The following CDH4 variants were observed in gnomAD, a reference collection of about 807,000 sequenced individuals.
CDH4 encodes the protein cadherin 4.
Under a neutral mutation model 86.0 loss-of-function variants are expected in CDH4, and 33 were observed. The observed-to-expected ratio is 0.38, with a 90% CI of 0.29 to 0.51. CDH4 has a LOEUF of 0.51. CDH4 is among the 20% of genes least tolerant of loss of function. The pLI is 0.86. For missense variants in CDH4, 1,114 were observed against 1,307.4 expected (o/e 0.85, Z 2.28); for synonymous variants, 555 against 549.4 (o/e 1.01, Z -0.14).
chr20:61,882,629 A>G (rs1436268105), intron 7 of CDH4, among the ~76,000 whole-genome samples: 2 of 152,104 alleles, frequency 1.3e-5, no homozygotes. Context: ...CAGGCCCAGG[A>G]TGCTCCCTGA....
intron 8 of CDH4, among the ~76,000 whole-genome samples, chr20:61,895,298 T>A (rs2122872076): frequency 6.6e-6 from 1 of 152,296 alleles, no homozygotes; most frequent in East Asian, 1.9e-4. Context: ...CTGGGAGGCA[T>A]CTCTGTGATG....
chr20:61,531,966 G>C (rs572197553), intron 2 of CDH4, among the ~76,000 whole-genome samples: 1 of 152,254 alleles, frequency 6.6e-6, no homozygotes, highest in East Asian at 1.9e-4. Context: ...GTGAGGAAAC[G>C]AGGTGGCTTC....
At position 61,252,304 on chromosome 20, in the gene CDH4, G is replaced by A. The variant is rs2084064355; in HGVS notation, c.-210G>A. The A allele has an allele frequency of 6.8e-6, 1 of 148,032 alleles. No individual in the cohort carries two copies. Among genetic ancestry groups the A allele is most frequent in the African/African-American group, 2.5e-5 (1 of 40,788 alleles). 9.2% of individuals were successfully genotyped at this position (148,032 alleles called of 1,614,324 possible). A position where few individuals can be genotyped will look rare whatever the true frequency, so the allele number is the denominator to read the frequency against. ...GAGGCCGGCGGACGCACCGGCCCGA[G>A]GGAACGCGCCGCCGGCCGGACTTGG... On this transcript the variant is annotated 5_prime_UTR_variant, in exon 1 of 16. Coordinates refer to ENST00000614565, the MANE Select transcript of CDH4 (RefSeq NM_001794.5). The surrounding 1 kb of genome is among the most constrained non-coding windows in gnomAD (Gnocchi z 4.4).
intron 2 of CDH4, among the ~76,000 whole-genome samples, chr20:61,683,956 C>G (rs2145861909): frequency 6.6e-6 from 1 of 152,340 alleles, no homozygotes; most frequent in East Asian, 1.9e-4. Flanking sequence ...GTGGGTGAGA[C>G]TGTAGCCCCA....
At chr20:61,333,718 G>A (rs966611229) in intron 2 of CDH4, among the ~76,000 whole-genome samples, 4 of 152,200 alleles carry the variant, frequency 2.6e-5, no homozygotes, top group East Asian at 1.9e-4. Flanking sequence ...CCTGGGTTGC[G>A]CTTTCAGGCG....
chr20:61,404,005 C>A (rs1279251451), intron 2 of CDH4, among the ~76,000 whole-genome samples: 1 of 152,162 alleles, frequency 6.6e-6, no homozygotes, highest in Non-Finnish European at 1.5e-5. Flanking sequence ...AGGTAACTGA[C>A]AACCTCAGTT....
intron 2 of CDH4, among the ~76,000 whole-genome samples, chr20:61,255,325 G>A (rs959512638): frequency 6.6e-6 from 1 of 152,232 alleles, no homozygotes; most frequent in Admixed American, 6.5e-5. Flanking sequence ...TAAGCCCACA[G>A]ACGGTCTGTT....
At chr20:61,315,048 C>T (rs1377571329) in intron 2 of CDH4, among the ~76,000 whole-genome samples, 2 of 152,168 alleles carry the variant, frequency 1.3e-5, no homozygotes, top group South Asian at 2.1e-4. Context: ...AAACATGACT[C>T]AGCCCAGATG....
intron 4 of CDH4, among the ~76,000 whole-genome samples, chr20:61,800,331 C>T (rs1302195114): frequency 1.3e-5 from 2 of 152,208 alleles, no homozygotes; most frequent in African/African-American, 2.4e-5. Context: ...TCTGCGTAGC[C>T]GACTCTTTGC....
chr20:61,665,362 C>T (rs1213028262), intron 2 of CDH4, among the ~76,000 whole-genome samples: 1 of 152,222 alleles, frequency 6.6e-6, no homozygotes, highest in Admixed American at 6.5e-5. Context: ...AATGGCATAC[C>T]CAACAATTTG....
rs1324786816 is a variant in CDH4, at chr20:61,936,891, G to A, written c.2699G>A (p.Gly900Glu). 1.2e-6 allele frequency: 2 copies of A among 1,601,714 alleles called. No individual in the cohort carries two copies. The highest frequency in any genetic ancestry group is 2.3e-5 in the East Asian group (1 of 43,818). Residue 900 changes from glycine (G) to glutamate (E), a missense_variant, in exon 16 of 16, where the codon GGG (glycine) becomes GAG (glutamate). Physicochemically the swap from Gly to Glu is moderately conservative, Grantham distance 98. Coordinates refer to ENST00000614565, the MANE Select transcript of CDH4 (RefSeq NM_001794.5). ...GACTACGATTACCTCAACGACTGGG[G>A]GCCCAGATTCAAGAAGCTGGCGGAC... ...DQDYDYLNDWGPRFKKLADMY... is the reference protein window; with the variant it reads ...DQDYDYLNDWEPRFKKLADMY...
intron 2 of CDH4, among the ~76,000 whole-genome samples, chr20:61,473,247 T>G (rs369848745): frequency 4.0e-4 from 61 of 152,290 alleles, no homozygotes; most frequent in African/African-American, 1.4e-3. Context: ...AAATTATGAG[T>G]ATTCCTCACT....
rs569649844 is a variant in CDH4, at chr20:61,682,234, A to ACGGT, written c.170-61329_170-61328insCGGT. ...GATGGATAGAGAAATGGATGGATGG[A>ACGGT]TGGTTGGACAAGTGGACGGATGGAT... On this transcript the variant is annotated intron_variant, in intron 2 of 15. Transcript: ENST00000614565. Among the ~76,000 whole-genome samples the ACGGT allele has an allele frequency of 2.3e-4, 35 of 151,356 alleles. No individual in the cohort carries two copies. In the South Asian group the frequency reaches 7.2e-3, roughly 31 times the overall value.
Position 61,784,554 on chromosome 20 carries a change from G to A in CDH4, c.576+11372G>A, listed in dbSNP as rs1285682890. Among the ~76,000 whole-genome samples the A allele has an allele frequency of 1.5e-4, 16 of 107,738 alleles. No homozygotes were observed. The South Asian group carries it at 5.4e-3, about 36-fold the overall frequency. The allele number at this position is 107,738 out of a possible 152,430, so 70.7% of individuals were successfully genotyped here. On this transcript the variant is annotated intron_variant, in intron 4 of 15. Transcript: ENST00000614565. ...TTCTCGAGGCCCTCAGGTGTCTTGT[G>A]CCCCCAAGAGAAATGTAATCCCAGT...
chr20:61,636,436 T>G (rs1363147452), intron 2 of CDH4, among the ~76,000 whole-genome samples: 1 of 152,244 alleles, frequency 6.6e-6, no homozygotes, highest in Non-Finnish European at 1.5e-5. Context: ...ATAAGCCAAG[T>G]GATTTTTAAA....
intron 2 of CDH4, chr20:61,600,075 G>A (rs1568706178): frequency 1.7e-6 from 1 of 572,260 alleles, no homozygotes; most frequent in Non-Finnish European, 2.2e-6. Context: ...CTGACTCTCC[G>A]GGGATGGTTT....
intron 2 of CDH4, among the ~76,000 whole-genome samples, chr20:61,561,549 A>G (rs1044600442): frequency 5.9e-5 from 9 of 152,194 alleles, no homozygotes; most frequent in Admixed American, 2.6e-4. Context: ...AGAAAACACA[A>G]TGGCAGGTGG....
At chr20:61,933,924 T>G in intron 14 of CDH4, 132 bp from the exon 15 acceptor site, 1 of 987,144 alleles carries the variant, frequency 1.0e-6, no homozygotes, top group Non-Finnish European at 1.5e-6. Context: ...CATGGTTCTG[T>G]GGGATGCTTG....
chr20:61,416,222 G>A (rs1014009245), intron 2 of CDH4, among the ~76,000 whole-genome samples: 22 of 149,906 alleles, frequency 1.5e-4, no homozygotes, highest in Admixed American at 1.1e-3. Flanking sequence ...GGCTGGTCTC[G>A]AAGTCCTGAC....
Sources: gnomAD v4.1 joint callset for allele counts (sites outside exome capture counted in the v4.1 genomes callset) on GRCh38, gnomAD v4.1.1 for gene constraint, Gnocchi (gnomAD v3.1) non-coding constraint, MANE v1.5 for transcripts, NCBI Gene and HGNC (gene_info 2026-07-23, HGNC 2026-07-21) for gene names.